The following SGCZ variants were observed in gnomAD, a reference collection of about 807,000 sequenced individuals.
SGCZ encodes zeta-sarcoglycan.
In SGCZ, 40 loss-of-function variants were observed where a neutral mutation model predicts 41.3. The ratio of observed to expected loss-of-function variants is 0.97; its 90% CI spans 0.75 to 1.26. The LOEUF (loss-of-function observed/expected upper bound fraction) is 1.26. SGCZ is among the 50% of genes most tolerant of loss of function. The pLI is 0.00. For missense variants in SGCZ, 552 were observed against 369.8 expected, an observed-to-expected ratio of 1.49 and a Z score of -4.04; for synonymous variants, 206 against 137.5, an observed-to-expected ratio of 1.50 and a Z score of -3.49.
intron 2 of SGCZ, among the ~76,000 whole-genome samples, chr8:14,496,676 A>G (rs201174044): frequency 6.6e-6 from 1 of 152,120 alleles, no homozygotes; most frequent in East Asian, 1.9e-4. Context: ...ATTGTTTCCT[A>G]GAAGTTTCTC....
rs181247146 is a variant in SGCZ, at chr8:14,788,762, C to T, written c.40-233836G>A. On this transcript the variant is annotated intron_variant, in intron 1 of 7. Coordinates refer to ENST00000382080, the MANE Select transcript of SGCZ (RefSeq NM_139167.4). ...ACCATTGCTCCTGCAAGAAATAAAGCGCTAGCTTCCTGCCAGCCTCCCGTT... is the reference window on the plus strand; with the variant it reads ...ACCATTGCTCCTGCAAGAAATAAAGTGCTAGCTTCCTGCCAGCCTCCCGTT... Among the ~76,000 whole-genome samples, 24 of 152,216 alleles carry T rather than the reference C, an allele frequency of 1.6e-4. 1 individual carries two copies. Among genetic ancestry groups the T allele is most frequent in the Non-Finnish European group, 2.9e-4 (20 of 68,018 alleles).
chr8:14,924,278 T>C (rs1005573224), intron 1 of SGCZ, among the ~76,000 whole-genome samples: 1 of 152,232 alleles, frequency 6.6e-6, no homozygotes, highest in Admixed American at 6.5e-5. Flanking sequence ...AGTTCCTGTA[T>C]AGAAATGAAG....
At chr8:14,421,369 T>C (rs112190792) in intron 2 of SGCZ, among the ~76,000 whole-genome samples, 2,265 of 152,246 alleles carry the variant, frequency 0.015, 22 homozygotes, top group Non-Finnish European at 0.024. Flanking sequence ...GAAGTCCCCA[T>C]GTCAGAAGAA....
chr8:14,548,604 C>T (rs576858243), intron 2 of SGCZ, among the ~76,000 whole-genome samples: 2 of 152,178 alleles, frequency 1.3e-5, no homozygotes, highest in South Asian at 2.1e-4. Flanking sequence ...CTGATTTTAT[C>T]CCTGTGAGCT....
chr8:14,638,365 C>T (rs556342731), intron 1 of SGCZ, among the ~76,000 whole-genome samples: 229 of 151,902 alleles, frequency 1.5e-3, no homozygotes, highest in African/African-American at 5.2e-3. Flanking sequence ...TGAGTTTATG[C>T]TCCTCATTAC....
chr8:14,702,940 G>C (rs1234328762), intron 1 of SGCZ, among the ~76,000 whole-genome samples: 1 of 124,126 alleles, frequency 8.1e-6, no homozygotes, highest in Non-Finnish European at 1.7e-5. Flanking sequence ...TAGATAGATA[G>C]ATAGATAGAT....
intron 2 of SGCZ, among the ~76,000 whole-genome samples, chr8:14,497,146 T>G (rs1272019030): frequency 6.6e-6 from 1 of 152,184 alleles, no homozygotes; most frequent in Non-Finnish European, 1.5e-5. Context: ...CCATTTATAT[T>G]GCTATGAAGA....
At chr8:15,237,151 G>A (rs1802153826) in intron 1 of SGCZ, among the ~76,000 whole-genome samples, 1 of 152,212 alleles carries the variant, frequency 6.6e-6, no homozygotes, top group South Asian at 2.1e-4. Context: ...CCGGGCTGGG[G>A]CACAGGCGGG....
chr8:15,209,970 G>T (rs1205785375), intron 1 of SGCZ, among the ~76,000 whole-genome samples: 1 of 151,996 alleles, frequency 6.6e-6, no homozygotes, highest in African/African-American at 2.4e-5. Context: ...TTCTGGGAGG[G>T]ATTTACTCAC....
chr8:14,591,337 C>T (rs1769346970), intron 1 of SGCZ, among the ~76,000 whole-genome samples: 1 of 151,854 alleles, frequency 6.6e-6, no homozygotes, highest in African/African-American at 2.4e-5. Context: ...ATAATCCAGG[C>T]CCCTTTTAAA....
chr8:14,967,003 T>C (rs1026665689), intron 1 of SGCZ, among the ~76,000 whole-genome samples: 6 of 152,156 alleles, frequency 3.9e-5, no homozygotes, highest in Admixed American at 2.6e-4. Flanking sequence ...CCTTGTACAA[T>C]TATTAAAAAT....
At chr8:14,525,093 A>G (rs1802900032) in intron 2 of SGCZ, among the ~76,000 whole-genome samples, 1 of 152,076 alleles carries the variant, frequency 6.6e-6, no homozygotes, top group Non-Finnish European at 1.5e-5. Flanking sequence ...ACATAGATAG[A>G]TAGACACATA....
At chr8:14,753,743 T>C (rs1325068584) in intron 1 of SGCZ, among the ~76,000 whole-genome samples, 1 of 152,222 alleles carries the variant, frequency 6.6e-6, no homozygotes, top group Non-Finnish European at 1.5e-5. Flanking sequence ...GGACTCATTC[T>C]GTGAGCTCTT....
At chr8:14,852,768 A>T (rs917455163) in intron 1 of SGCZ, among the ~76,000 whole-genome samples, 18 of 152,124 alleles carry the variant, frequency 1.2e-4, no homozygotes, top group African/African-American at 4.3e-4. Context: ...AGTACAAAAA[A>T]TTTTCTTTGG....
At chr8:14,392,468 G>A (rs1051292065) in intron 2 of SGCZ, among the ~76,000 whole-genome samples, 3 of 152,278 alleles carry the variant, frequency 2.0e-5, no homozygotes, top group East Asian at 1.9e-4. Context: ...TAAGACAAGA[G>A]TAGAAATACG....
chr8:14,209,035 T>A (rs1334632716), intron 4 of SGCZ, among the ~76,000 whole-genome samples: 1 of 152,210 alleles, frequency 6.6e-6, no homozygotes, highest in East Asian at 1.9e-4. Flanking sequence ...AAAGGTTACC[T>A]GGGACTTGGC....
intron 1 of SGCZ, among the ~76,000 whole-genome samples, chr8:14,766,776 C>A (rs940324008): frequency 1.5e-4 from 19 of 130,706 alleles, no homozygotes; most frequent in African/African-American, 5.7e-4. Context: ...TGGGGTTTTG[C>A]CACGTTGCCC....
intron 2 of SGCZ, among the ~76,000 whole-genome samples, chr8:14,362,811 T>C (rs533487333): frequency 1.8e-4 from 28 of 152,076 alleles, no homozygotes; most frequent in Non-Finnish European, 3.8e-4. Context: ...GAGCTGTTCC[T>C]ATTTGGCCAT....
At chr8:15,007,523 G>A (rs1043392040) in intron 1 of SGCZ, among the ~76,000 whole-genome samples, 1 of 152,162 alleles carries the variant, frequency 6.6e-6, no homozygotes, top group Non-Finnish European at 1.5e-5. Flanking sequence ...TTCTGGCTTT[G>A]CCATTGACTG....
Sources: allele counts gnomAD v4.1 joint callset (sites outside exome capture counted in the v4.1 genomes callset), GRCh38; gene constraint gnomAD v4.1.1; transcripts MANE v1.5; gene names NCBI Gene and HGNC (gene_info 2026-07-23, HGNC 2026-07-21).